Variants in RPH3A observed in about 807,000 individuals in gnomAD.
The protein encoded by RPH3A is rabphilin 3A, also known as rabphilin-3A.
RPH3A carries 48 observed loss-of-function variants against 102.2 expected under a neutral mutation model. That is an observed-to-expected ratio of 0.47 (90% CI 0.37 to 0.60). The LOEUF (loss-of-function observed/expected upper bound fraction) is 0.60, where lower values mean the gene tolerates loss of function less well. Among genes scored for constraint, RPH3A ranks in the 20% least tolerant of loss-of-function variants. The pLI is 0.00. For synonymous variants in RPH3A, 310 were observed against 324.3 expected (o/e 0.96, Z 0.47); for missense variants, 781 against 910.1 (o/e 0.86, Z 1.83).
At chr12:112,614,454 C>T (rs925861913) in intron 1 of RPH3A, among the ~76,000 whole-genome samples, 22 of 150,614 alleles carry the variant, frequency 1.5e-4, no homozygotes, top group Admixed American at 1.1e-3. Flanking sequence ...GAGGCTGAGG[C>T]GGGTAGATCA....
At chr12:112,861,756 G>GT (rs1223492207) in intron 5 of RPH3A, among the ~76,000 whole-genome samples, 1 of 152,240 alleles carries the variant, frequency 6.6e-6, no homozygotes, top group Non-Finnish European at 1.5e-5. Flanking sequence ...GCTCACGCCT[G>GT]TAATCCCAGC....
chr12:112,870,120 A>G (rs955912130), intron 10 of RPH3A, 81 bp downstream of exon 10: 3 of 1,395,318 alleles, frequency 2.2e-6, no homozygotes, highest in Admixed American at 2.5e-5. Flanking sequence ...GTTTTTATTC[A>G]TTTACTTAGG....
At chr12:112,706,374 G>A (rs2040426746) in intron 1 of RPH3A, among the ~76,000 whole-genome samples, 1 of 152,146 alleles carries the variant, frequency 6.6e-6, no homozygotes, top group Non-Finnish European at 1.5e-5. Flanking sequence ...TCAGTGCAAT[G>A]AAGCCCCAGT....
chr12:112,801,191 T>C (rs1266743772), intron 2 of RPH3A, among the ~76,000 whole-genome samples: 1 of 152,148 alleles, frequency 6.6e-6, no homozygotes, highest in East Asian at 1.9e-4. Flanking sequence ...TGATCTGATC[T>C]GAACCTGTTG....
chr12:112,639,716 A>G (rs2039873157), intron 1 of RPH3A, among the ~76,000 whole-genome samples: 1 of 152,170 alleles, frequency 6.6e-6, no homozygotes, highest in Non-Finnish European at 1.5e-5. Flanking sequence ...GAAAGACACC[A>G]AAGGGCTGAG....
At chr12:112,809,293 C>T (rs1191320667) in intron 2 of RPH3A, among the ~76,000 whole-genome samples, 1 of 152,050 alleles carries the variant, frequency 6.6e-6, no homozygotes, top group Non-Finnish European at 1.5e-5. Flanking sequence ...ATCTTTTGAC[C>T]ATTCTTGACC....
At chr12:112,729,472 C>A (rs564951955) in intron 1 of RPH3A, among the ~76,000 whole-genome samples, 1 of 152,208 alleles carries the variant, frequency 6.6e-6, no homozygotes, top group Non-Finnish European at 1.5e-5. Context: ...AGGCATGAGC[C>A]GCTGCACTCG....
Position 112,883,230 on chromosome 12 carries a change from T to A in RPH3A, c.1327-63T>A, listed in dbSNP as rs1593125617. On this transcript the variant is annotated intron_variant, in intron 15 of 21. Transcript: ENST00000389385. Reference sequence around the variant, plus strand: ...ACCCACCCCACGTCAGCCCAAACGATGGGGTTCCAGGACTGGCTCCCCACT... The same window carrying A: ...ACCCACCCCACGTCAGCCCAAACGAAGGGGTTCCAGGACTGGCTCCCCACT... The A allele has an allele frequency of 1.8e-5, 24 of 1,336,378 alleles. No individual in the cohort carries two copies. In the East Asian group the frequency reaches 5.5e-4, roughly 31 times the overall value. 82.8% of individuals were successfully genotyped at this position (1,336,378 alleles called of 1,614,324 possible).
At chr12:112,589,303 G>C (rs1004171984) in intron 1 of RPH3A, among the ~76,000 whole-genome samples, 1 of 151,996 alleles carries the variant, frequency 6.6e-6, no homozygotes, top group Admixed American at 6.6e-5. Flanking sequence ...TCCTCCTTAG[G>C]GCTAATCAAA....
intron 1 of RPH3A, among the ~76,000 whole-genome samples, chr12:112,774,810 A>T (rs2136074583): frequency 6.6e-6 from 1 of 152,186 alleles, no homozygotes; most frequent in Non-Finnish European, 1.5e-5. Context: ...GCAGTAGGAA[A>T]AATAGCAGTA....
chr12:112,875,625 C>A, intron 11 of RPH3A, 54 bp from the exon 12 acceptor site: 1 of 1,488,422 alleles, frequency 6.7e-7, no homozygotes, highest in South Asian at 1.1e-5. Flanking sequence ...GGTGAACCCC[C>A]AAATGATGCC....
At chr12:112,789,290 T>C (rs770457709), upstream of RPH3A, among the ~76,000 whole-genome samples, 11 of 152,222 alleles carry the variant, frequency 7.2e-5, no homozygotes, top group Non-Finnish European at 1.2e-4. Context: ...AGCTCTTTGA[T>C]TATGGACAAG....
At position 112,782,883 on chromosome 12, in the gene RPH3A, G is replaced by A. The variant is rs182930187; in HGVS notation, c.-139-9260G>A. Among the ~76,000 whole-genome samples the A allele has an allele frequency of 9.9e-5, 15 of 152,258 alleles. No homozygotes were observed. The East Asian group carries it at 2.7e-3, about 27-fold the overall frequency. ...GATTCTGTGATGATCATCTCTGCACGTACATCTAATTATTTCCTTAGGTTA... is the reference window on the plus strand; with the variant it reads ...GATTCTGTGATGATCATCTCTGCACATACATCTAATTATTTCCTTAGGTTA... On this transcript the variant is annotated intron_variant, in intron 1 of 21. Transcript: ENST00000543106.
At chr12:112,610,827 A>G (rs961687504) in intron 1 of RPH3A, among the ~76,000 whole-genome samples, 1 of 152,030 alleles carries the variant, frequency 6.6e-6, no homozygotes, top group Admixed American at 6.6e-5. Flanking sequence ...TAGTAGAGAC[A>G]GGGTTTCACC....
chr12:112,817,547 C>CGT lies in RPH3A; in HGVS notation c.-18-10740_-18-10739dup, dbSNP rs145135682. Among the ~76,000 whole-genome samples, 48 of 148,910 alleles carry CGT rather than the reference C, an allele frequency of 3.2e-4. 1 individual carries two copies. The highest frequency in any genetic ancestry group is 6.5e-4 in the African/African-American group (26 of 40,248). On this transcript the variant is annotated intron_variant, in intron 2 of 21. Transcript: ENST00000389385. ...TATAAATCTTTTCTAGAAATGCACA[C>CGT]GTGTGTGTGTGTGTGCACCCCCCAC...
At chr12:112,628,239 G>C (rs1265078139) in intron 1 of RPH3A, among the ~76,000 whole-genome samples, 2 of 152,024 alleles carry the variant, frequency 1.3e-5, no homozygotes, top group Non-Finnish European at 2.9e-5. Context: ...TAATAATGAG[G>C]GAAGAGTGTT....
chr12:112,771,136 G>C (rs2040924753), intron 1 of RPH3A, among the ~76,000 whole-genome samples: 1 of 152,162 alleles, frequency 6.6e-6, no homozygotes, highest in African/African-American at 2.4e-5. Flanking sequence ...TTCCAGTCTC[G>C]TATGTGTCCT....
rs12303340 is a variant in RPH3A at position 112,655,195 on chromosome 12, A to G, written c.-140+79876A>G. ...AACCTGGCATTGACTTGGCCTCCTT[A>G]TGGATGAAAGTCCTTTCAGGCATCT... is the stretch of plus-strand genomic sequence containing the variant. On this transcript the variant is annotated intron_variant, in intron 1 of 21. Transcript: ENST00000543106. Among the ~76,000 whole-genome samples, 1,010 of 152,326 alleles carry G rather than the reference A, an allele frequency of 6.6e-3. 17 individuals are homozygous for G. Among genetic ancestry groups the G allele is most frequent in the African/African-American group, 0.023 (958 of 41,578 alleles).
At chr12:112,874,717 A>G in intron 10 of RPH3A, 1 of 217,252 alleles carries the variant, frequency 4.6e-6, no homozygotes, top group East Asian at 1.2e-4. Context: ...TGTTCTGAGC[A>G]TTGCCTGTTT....
Sources: allele counts gnomAD v4.1 joint callset (sites outside exome capture counted in the v4.1 genomes callset), GRCh38; gene constraint gnomAD v4.1.1; transcripts MANE v1.5; gene names NCBI Gene and HGNC (gene_info 2026-07-23, HGNC 2026-07-21).